ERP44: variants seen among roughly 807,000 people sequenced by gnomAD.
ERP44 encodes endoplasmic reticulum protein 44.
A neutral mutation model predicts 53.4 loss-of-function variants in ERP44; 25 were observed. That is an observed-to-expected ratio of 0.47 (90% CI 0.34 to 0.65). ERP44 has a LOEUF of 0.65. ERP44 is among the 30% of genes least tolerant of loss of function. The probability of loss-of-function intolerance (pLI) is 0.01; values close to 1 mark genes in which losing one functional copy is unlikely to be tolerated. For synonymous variants in ERP44, 145 were observed against 161.2 expected (o/e 0.90, Z 0.76); for missense variants, 338 against 493.2 (o/e 0.69, Z 2.98).
At chr9:99,986,705 G>C (rs1830198631) in intron 10 of ERP44, among the ~76,000 whole-genome samples, 1 of 152,048 alleles carries the variant, frequency 6.6e-6, no homozygotes, top group African/African-American at 2.4e-5. Flanking sequence ...CTCCCCACTA[G>C]CTCCAATGCA....
chr9:100,018,567 C>T (rs746930407), intron 6 of ERP44, among the ~76,000 whole-genome samples: 49 of 152,168 alleles, frequency 3.2e-4, no homozygotes, highest in Non-Finnish European at 4.3e-4. Context: ...TGACCCCAGA[C>T]TGTTTTCCGG....
At chr9:100,032,499 T>C (rs977894613) in intron 4 of ERP44, among the ~76,000 whole-genome samples, 10 of 152,260 alleles carry the variant, frequency 6.6e-5, no homozygotes, top group Admixed American at 3.9e-4. Flanking sequence ...ACAAGAAGCA[T>C]TGCCAAATAT....
chr9:100,033,257 G>A (rs2118674942), intron 4 of ERP44, among the ~76,000 whole-genome samples: 1 of 152,186 alleles, frequency 6.6e-6, no homozygotes, highest in Admixed American at 6.5e-5. Flanking sequence ...TTCCTTTAAG[G>A]AATCAACGTT....
chr9:100,035,494 G>A (rs1417001474), intron 4 of ERP44, among the ~76,000 whole-genome samples: 1 of 152,082 alleles, frequency 6.6e-6, no homozygotes, highest in African/African-American at 2.4e-5. Context: ...TAGGCAACAT[G>A]GTGAAACGCC....
intron 1 of ERP44, 35 bp from the exon 2 acceptor site, chr9:100,060,207 G>A (rs771562211): frequency 2.1e-6 from 3 of 1,423,212 alleles, no homozygotes; most frequent in East Asian, 2.7e-5. Flanking sequence ...TAATAAATGT[G>A]TCCACAAAAG....
At chr9:100,082,115 A>T (rs1826433838) in intron 1 of ERP44, among the ~76,000 whole-genome samples, 1 of 152,154 alleles carries the variant, frequency 6.6e-6, no homozygotes, top group Admixed American at 6.5e-5. Flanking sequence ...AAGCAAAAAA[A>T]CTTTTAAATT....
At chr9:100,016,884 C>T (rs1830530944) in intron 7 of ERP44, among the ~76,000 whole-genome samples, 1 of 152,134 alleles carries the variant, frequency 6.6e-6, no homozygotes, top group Non-Finnish European at 1.5e-5. Flanking sequence ...AAGCCTATTG[C>T]TTTTTCTTGG....
chr9:100,060,065 G>GA, intron 2 of ERP44, 35 bp downstream of exon 2: 1 of 1,379,746 alleles, frequency 7.2e-7, no homozygotes, highest in Non-Finnish European at 9.5e-7. Flanking sequence ...CTATAGAGAA[G>GA]AAAGAGTACA....
At chr9:100,067,285 T>C (rs1826223147) in intron 1 of ERP44, among the ~76,000 whole-genome samples, 1 of 152,136 alleles carries the variant, frequency 6.6e-6, no homozygotes, top group South Asian at 2.1e-4. Flanking sequence ...CACTGCAACC[T>C]CCCTGCCTGA....
At chr9:100,054,049 G>A (rs558071719) in intron 3 of ERP44, among the ~76,000 whole-genome samples, 1 of 152,164 alleles carries the variant, frequency 6.6e-6, no homozygotes, top group South Asian at 2.1e-4. Flanking sequence ...GACTTCCTAA[G>A]GAGATGTCCT....
intron 1 of ERP44, among the ~76,000 whole-genome samples, chr9:100,063,458 G>A (rs763940871): frequency 4.0e-5 from 6 of 151,734 alleles, no homozygotes; most frequent in African/African-American, 9.7e-5. Flanking sequence ...CGGACAAATT[G>A]TTTTTTTTCC....
chr9:100,096,716 C>T (rs192172893), intron 1 of ERP44, among the ~76,000 whole-genome samples: 67 of 152,126 alleles, frequency 4.4e-4, no homozygotes, highest in South Asian at 8.3e-4. Flanking sequence ...AAAATGATGA[C>T]CTCAGCTAAA....
At chr9:100,058,833 G>C (rs1434891488) in intron 2 of ERP44, among the ~76,000 whole-genome samples, 2 of 152,220 alleles carry the variant, frequency 1.3e-5, no homozygotes, top group African/African-American at 2.4e-5. Flanking sequence ...TGACAGAAGT[G>C]AGAATGACAT....
intron 1 of ERP44, among the ~76,000 whole-genome samples, chr9:100,070,503 T>C (rs557918530): frequency 1.9e-3 from 288 of 152,364 alleles, no homozygotes; most frequent in Non-Finnish European, 3.4e-3. Context: ...TGTATGTCAG[T>C]ACTCTGTTTT....
chr9:100,093,379 C>G (rs190009811), intron 1 of ERP44, among the ~76,000 whole-genome samples: 217 of 152,300 alleles, frequency 1.4e-3, no homozygotes, highest in Non-Finnish European at 2.8e-4. Flanking sequence ...CACAGTGGCT[C>G]AGGCCTATAA....
At chr9:100,053,706 G>A (rs1255128205) in intron 3 of ERP44, among the ~76,000 whole-genome samples, 1 of 152,172 alleles carries the variant, frequency 6.6e-6, no homozygotes, top group African/African-American at 2.4e-5. Context: ...TAAACATCAT[G>A]TCATGGATGA....
At chr9:100,028,576 C>A (rs1830677889) in intron 4 of ERP44, among the ~76,000 whole-genome samples, 1 of 152,180 alleles carries the variant, frequency 6.6e-6, no homozygotes, top group Admixed American at 6.5e-5. Flanking sequence ...CTTCCAACCA[C>A]CACTGGAGAA....
chr9:100,060,420 A>G (rs1293546579), intron 1 of ERP44, among the ~76,000 whole-genome samples: 1 of 152,198 alleles, frequency 6.6e-6, no homozygotes, highest in East Asian at 1.9e-4. Context: ...ATAGCTTCTA[A>G]GGAATTAGGA....
intron 1 of ERP44, among the ~76,000 whole-genome samples, chr9:100,061,385 A>G (rs1163288146): frequency 6.6e-6 from 1 of 151,530 alleles, no homozygotes; most frequent in Non-Finnish European, 1.5e-5. Flanking sequence ...TGGAGGTTGC[A>G]GTGAGCTGAG....
Sources: allele counts gnomAD v4.1 joint callset (sites outside exome capture counted in the v4.1 genomes callset), GRCh38; gene constraint gnomAD v4.1.1; transcripts MANE v1.5; gene names NCBI Gene and HGNC (gene_info 2026-07-23, HGNC 2026-07-21).